The following SOCS5 variants were observed in gnomAD, a reference collection of about 807,000 sequenced individuals.
SOCS5 encodes the protein suppressor of cytokine signaling 5, also known as CIS-6.
In SOCS5, 32 loss-of-function variants were observed where a neutral mutation model predicts 42.8. The ratio of observed to expected loss-of-function variants is 0.75; its 90% CI spans 0.56 to 1.01. SOCS5 has a LOEUF of 1.01. SOCS5 is among the 50% of genes least tolerant of loss of function. The pLI is 0.00. For missense variants in SOCS5, 627 were observed against 653.0 expected, an observed-to-expected ratio of 0.96 and a Z score of 0.43; for synonymous variants, 283 against 229.6, an observed-to-expected ratio of 1.23 and a Z score of -2.10.
At chr2:46,722,794 A>G (rs1421848394) in intron 1 of SOCS5, among the ~76,000 whole-genome samples, 8 of 152,078 alleles carry the variant, frequency 5.3e-5, no homozygotes, top group African/African-American at 1.9e-4. Flanking sequence ...CCCACTCACA[A>G]TGTTATGAGA....
Position 46,758,663 on chromosome 2 carries a change from A to G in SOCS5, c.133A>G (p.Ile45Val), listed in dbSNP as rs773845882. ...ATGTTTGTCTGTCAAAGAGAAAAAC[A>G]TCAGCATAGGAGACTCAACTCCTCA... ...NRCLSVKEKN[I>V]SIGDSTPQQQ... The change falls in exon 2 of 2, where the codon ATC (isoleucine) becomes GTC (valine). Residue 45 changes from isoleucine to valine, a missense_variant. Physicochemically the swap from Ile to Val is conservative, Grantham distance 29. Transcript: ENST00000394861. The G allele has an allele frequency of 3.1e-6, 5 of 1,614,228 alleles. No homozygotes were observed. Among genetic ancestry groups the G allele is most frequent in the Non-Finnish European group, 2.5e-6 (3 of 1,180,024 alleles).
rs147077262 is a variant in SOCS5, at chr2:46,730,339, G to A, written c.-12-28180G>A. 5.9e-3 allele frequency among the ~76,000 whole-genome samples: 900 copies of A among 152,250 alleles called. 8 individuals carry two copies. The highest frequency in any genetic ancestry group is 9.9e-3 in the Admixed American group (152 of 15,288). ...AGGTTGGCCAGGCATGGTGGCTCAC[G>A]TCTGTAATCCCGGCACTTTGGGAGG... On this transcript the variant is annotated intron_variant, in intron 1 of 1. Coordinates refer to ENST00000394861, the MANE Select transcript of SOCS5 (RefSeq NM_144949.3).
chr2:46,714,445 A>G (rs967808685), intron 1 of SOCS5, among the ~76,000 whole-genome samples: 2 of 152,220 alleles, frequency 1.3e-5, no homozygotes, highest in South Asian at 2.1e-4. Context: ...TGTCTGATAC[A>G]AACTTTTCTT....
At chr2:46,728,658 C>A (rs1438719775) in intron 1 of SOCS5, among the ~76,000 whole-genome samples, 2 of 152,146 alleles carry the variant, frequency 1.3e-5, no homozygotes, top group Non-Finnish European at 2.9e-5. Context: ...TGGGTTCAAA[C>A]CATTCTCCTG....
At chr2:46,711,951 C>G (rs1672632110) in intron 1 of SOCS5, among the ~76,000 whole-genome samples, 1 of 152,186 alleles carries the variant, frequency 6.6e-6, no homozygotes, top group Non-Finnish European at 1.5e-5. Context: ...CTTTCTGCCA[C>G]TATGACACTG....
intron 1 of SOCS5, among the ~76,000 whole-genome samples, chr2:46,743,262 T>G (rs890513781): frequency 1.3e-5 from 2 of 152,068 alleles, no homozygotes; most frequent in Non-Finnish European, 2.9e-5. Flanking sequence ...TAGAGTAAAG[T>G]GAAAGCAAGT....
At chr2:46,716,367 A>ATTTTTTTTTTTTTTTTTTTTTT (rs35187667) in intron 1 of SOCS5, among the ~76,000 whole-genome samples, 23 of 17,046 alleles carry the variant, frequency 1.3e-3, no homozygotes, top group East Asian at 5.2e-3. Flanking sequence ...GAGTGTCTTC[A>ATTTTTTTTTTTTTTTTTTTTTT]TTTTTTTTTT....
rs779653476 is a variant in SOCS5 at position 46,759,940 on chromosome 2, A to G, written c.1410A>G (p.Pro470=). 2 of 1,614,086 alleles carry G rather than the reference A, an allele frequency of 1.2e-6. No homozygotes were observed. Among genetic ancestry groups the G allele is most frequent in the East Asian group, 2.2e-5 (1 of 44,886 alleles). The part of the protein sequence containing the change: ...KDPSSCMFFE[P]LLTISLNRTF... ...CCAGTTCGTGCATGTTTTTTGAACC[A>G]TTGCTTACTATATCACTAAATAGGA... is the stretch of plus-strand genomic sequence containing the variant. Residue 470 remains proline (P), a synonymous_variant, in exon 2 of 2, where the codon CCA becomes CCG. Coordinates refer to ENST00000394861, the MANE Select transcript of SOCS5 (RefSeq NM_144949.3).
In SOCS5 at chr2:46,759,250, G is replaced by A. The variant is rs1673803870; in HGVS notation, c.720G>A (p.Val240=). Residue 240 remains valine (V), a synonymous_variant, in exon 2 of 2, where the codon GTG becomes GTA. Coordinates refer to ENST00000394861, the MANE Select transcript of SOCS5 (RefSeq NM_144949.3). ...WHLIKQHTAP[V]SPHSTFFDTF... ...TGATTAAACAGCATACAGCTCCTGT[G>A]AGCCCACATTCAACATTTTTTGATA... 6.2e-7 allele frequency: 1 copy of A among 1,614,022 alleles called. No individual in the cohort carries two copies.
intron 1 of SOCS5, among the ~76,000 whole-genome samples, chr2:46,716,964 A>G (rs1473760093): frequency 2.0e-5 from 3 of 152,090 alleles, no homozygotes; most frequent in Non-Finnish European, 4.4e-5. Flanking sequence ...TATTCATCCC[A>G]GCTGGTTATT....
At chr2:46,718,979 A>G (rs1455800639) in intron 1 of SOCS5, among the ~76,000 whole-genome samples, 4 of 152,332 alleles carry the variant, frequency 2.6e-5, no homozygotes, top group South Asian at 2.1e-4. Flanking sequence ...ACAAATGTGT[A>G]TGTTACTTAT....
intron 1 of SOCS5, among the ~76,000 whole-genome samples, chr2:46,716,472 A>T (rs1672747434): frequency 9.4e-6 from 1 of 105,874 alleles, no homozygotes; most frequent in Non-Finnish European, 1.9e-5. Context: ...AAACATTTTT[A>T]TTTAATTAAC....
chr2:46,713,189 C>T lies in SOCS5; in HGVS notation c.-13+13740C>T, dbSNP rs554128378. Among the ~76,000 whole-genome samples the T allele has an allele frequency of 5.3e-5, 8 of 152,248 alleles. No homozygotes were observed. In the South Asian group the frequency reaches 6.2e-4, roughly 12 times the overall value. On this transcript the variant is annotated intron_variant, in intron 1 of 1. Coordinates refer to ENST00000394861, the MANE Select transcript of SOCS5 (RefSeq NM_144949.3). ...TGGGCAACATAGGCAGACCCCATCTCTACCAAAAATTTAAAAACTAGCCAG... is the reference window on the plus strand; with the variant it reads ...TGGGCAACATAGGCAGACCCCATCTTTACCAAAAATTTAAAAACTAGCCAG...
intron 1 of SOCS5, among the ~76,000 whole-genome samples, chr2:46,740,160 A>G (rs1344131333): frequency 2.0e-5 from 3 of 152,204 alleles, no homozygotes; most frequent in Admixed American, 2.0e-4. Flanking sequence ...TCACTGAGGG[A>G]GTAAACTAAG....
At chr2:46,747,598 G>A (rs1673532842) in intron 1 of SOCS5, among the ~76,000 whole-genome samples, 1 of 152,074 alleles carries the variant, frequency 6.6e-6, no homozygotes, top group Non-Finnish European at 1.5e-5. Flanking sequence ...CTGTGGCCCT[G>A]GGCTGTTACA....
rs2103738637 is a variant in SOCS5 at position 46,739,348 on chromosome 2, G to A, written c.-12-19171G>A. ...TGTGTAGGGGTGAACTATTATTGGAGTTTCACTGAAGGATACCTGAGGTGG... is the reference window on the plus strand; with the variant it reads ...TGTGTAGGGGTGAACTATTATTGGAATTTCACTGAAGGATACCTGAGGTGG... On this transcript the variant is annotated intron_variant, in intron 1 of 1. Coordinates refer to ENST00000394861, the MANE Select transcript of SOCS5 (RefSeq NM_144949.3). Among the ~76,000 whole-genome samples the A allele has an allele frequency of 1.3e-5, 2 of 152,272 alleles. 1 individual carries two copies. Among genetic ancestry groups the A allele is most frequent in the South Asian group, 4.1e-4 (2 of 4,822 alleles).
chr2:46,734,225 ATAT>A (rs1436183126), intron 1 of SOCS5, among the ~76,000 whole-genome samples: 1 of 152,206 alleles, frequency 6.6e-6, no homozygotes, highest in South Asian at 2.1e-4. Context: ...ATTTACAAAA[ATAT>A]TATACAGTCA....
At position 46,762,324 on chromosome 2, in the gene SOCS5, A is replaced by T. The variant is rs1231651605; in HGVS notation, c.*2183A>T. ...TTGAGAAAAAGAAAAGTTCATACTG[A>T]TTATTGGAAAAGGACTATATATGTG... On this transcript the variant is annotated 3_prime_UTR_variant, in exon 2 of 2. Transcript: ENST00000394861. The T allele has an allele frequency of 6.0e-6, 1 of 166,772 alleles. No individual in the cohort carries two copies. The highest frequency in any genetic ancestry group is 1.5e-5 in the Non-Finnish European group (1 of 68,070). 10.3% of individuals were successfully genotyped at this position (166,772 alleles called of 1,614,324 possible). A position where few individuals can be genotyped will look rare whatever the true frequency, so the allele number is the denominator to read the frequency against.
intron 1 of SOCS5, among the ~76,000 whole-genome samples, chr2:46,707,223 C>T (rs528598832): frequency 3.9e-4 from 59 of 152,220 alleles, no homozygotes; most frequent in African/African-American, 1.2e-3. Context: ...ACATCTATAA[C>T]GGAAGAATTT....
Sources: gnomAD v4.1 joint callset for allele counts (sites outside exome capture counted in the v4.1 genomes callset) on GRCh38, gnomAD v4.1.1 for gene constraint, MANE v1.5 for transcripts, NCBI Gene and HGNC (gene_info 2026-07-23, HGNC 2026-07-21) for gene names.